LRRC59: variants seen among roughly 807,000 people sequenced by gnomAD.
LRRC59 encodes leucine rich repeat containing 59.
In LRRC59, 18 loss-of-function variants were observed where a neutral mutation model predicts 33.5. The ratio of observed to expected loss-of-function variants is 0.54; its 90% confidence interval spans 0.37 to 0.80. The LOEUF (loss-of-function observed/expected upper bound fraction) is 0.80. Ranked by LOEUF, LRRC59 falls within the 30% of genes least tolerant of loss-of-function variation. The pLI is 0.00. For missense variants in LRRC59, 330 were observed against 391.9 expected (o/e 0.84, Z 1.33); for synonymous variants, 138 against 160.0 (o/e 0.86, Z 1.04).
chr17:50,386,912 T>C (rs374396127), intron 5 of LRRC59, among the ~76,000 whole-genome samples: 2 of 152,252 alleles, frequency 1.3e-5, no homozygotes, highest in African/African-American at 4.8e-5. Flanking sequence ...CCTATATCAT[T>C]TACTTTCTAG....
chr17:50,384,488 G>A (rs948611381), intron 6 of LRRC59, among the ~76,000 whole-genome samples: 5 of 152,098 alleles, frequency 3.3e-5, no homozygotes, highest in East Asian at 1.9e-4. Flanking sequence ...TAAACTTGCC[G>A]GGCACAGTGG....
intron 2 of LRRC59, among the ~76,000 whole-genome samples, chr17:50,393,651 G>C (rs1256248239): frequency 6.6e-6 from 1 of 152,194 alleles, no homozygotes. Context: ...GCACCCATCT[G>C]AAAGCGATGG....
chr17:50,392,534 A>G, intron 3 of LRRC59, 32 bp from the exon 4 acceptor site: 1 of 1,569,510 alleles, frequency 6.4e-7, no homozygotes, highest in Non-Finnish European at 8.8e-7. Context: ...AAAGAGGCTC[A>G]TTAAGCCCGA....
intron 1 of LRRC59, among the ~76,000 whole-genome samples, chr17:50,395,205 C>T (rs1914241582): frequency 6.6e-6 from 1 of 152,032 alleles, no homozygotes; most frequent in Non-Finnish European, 1.5e-5. Context: ...GCTGTACAAC[C>T]TCCAAGAAGG....
chr17:50,383,666 A>C (rs1266090540), intron 6 of LRRC59, among the ~76,000 whole-genome samples: 2 of 152,052 alleles, frequency 1.3e-5, no homozygotes, highest in Non-Finnish European at 2.9e-5. Context: ...AAGGTAATAC[A>C]CCATATTGTA....
intron 4 of LRRC59, among the ~76,000 whole-genome samples, chr17:50,389,240 T>C (rs1193573006): frequency 6.6e-6 from 1 of 152,186 alleles, no homozygotes; most frequent in Admixed American, 6.5e-5. Flanking sequence ...ATAAACTCGC[T>C]CATGGATGAC....
chr17:50,397,460 C>G lies in LRRC59; in HGVS notation c.-143G>C, dbSNP rs983479198. On this transcript the variant is annotated 5_prime_UTR_variant, in exon 1 of 7. Coordinates refer to ENST00000225972, the MANE Select transcript of LRRC59 (RefSeq NM_018509.4). Reference sequence around the variant, plus strand: ...CCGCCGATGCGAGACCGCCTCCGCCCGCTGGCCGCACTCCGAGCCTCGCGC... The same window carrying G: ...CCGCCGATGCGAGACCGCCTCCGCCGGCTGGCCGCACTCCGAGCCTCGCGC... The G allele has an allele frequency of 9.3e-6, 5 of 540,446 alleles. No individual in the cohort carries two copies. Among genetic ancestry groups the G allele is most frequent in the Non-Finnish European group, 9.5e-6 (3 of 316,480 alleles). 33.5% of individuals were successfully genotyped at this position (540,446 alleles called of 1,614,324 possible).
At chr17:50,388,180 T>C in intron 4 of LRRC59, 48 bp from the exon 5 acceptor site, 1 of 1,552,060 alleles carries the variant, frequency 6.4e-7, no homozygotes, top group East Asian at 2.2e-5. Flanking sequence ...TCATGTTTGC[T>C]CAGGGAAGTC....
At position 50,382,846 on chromosome 17, in the gene LRRC59, AGAG is replaced by A. The variant is rs1208472442; in HGVS notation, c.*139_*141del. 4.7e-6 allele frequency: 5 copies of A among 1,053,398 alleles called. No individual in the cohort carries two copies. The highest frequency in any genetic ancestry group is 2.5e-5 in the East Asian group (1 of 39,496). The allele number at this position is 1,053,398 out of a possible 1,614,324, so 65.3% of individuals were successfully genotyped here. On this transcript the variant is annotated 3_prime_UTR_variant, in exon 7 of 7. Coordinates refer to ENST00000225972, the MANE Select transcript of LRRC59 (RefSeq NM_018509.4). ...ACTAAGGAATGAAGAAGTCCTACAA[AGAG>A]GAGGTCTCATGTACCAATCTGCAGC...
rs1468490221 is a variant in LRRC59 at position 50,397,259 on chromosome 17, A to G, written c.59T>C (p.Leu20Pro). Residue 20 changes from leucine (L) to proline (P), a missense_variant, in exon 1 of 7, where the codon CTG becomes CCG. Leu to Pro is a moderately conservative substitution (Grantham distance 98). Transcript: ENST00000225972. Reference protein sequence around the residue: ...NLRDKLDGNELDLSLSDLNEV... With the variant: ...NLRDKLDGNEPDLSLSDLNEV... ...ATTCAGGTCGCTGAGGCTCAGGTCCAGTTCGTTGCCGTCCAGCTTGTCGCG... is the reference window on the plus strand; with the variant it reads ...ATTCAGGTCGCTGAGGCTCAGGTCCGGTTCGTTGCCGTCCAGCTTGTCGCG... The G allele has an allele frequency of 6.2e-7, 1 of 1,609,820 alleles. No individual in the cohort carries two copies. Among genetic ancestry groups the G allele is most frequent in the Non-Finnish European group, 8.5e-7 (1 of 1,178,440 alleles).
chr17:50,391,476 A>C (rs1373227186), intron 4 of LRRC59, among the ~76,000 whole-genome samples: 1 of 152,226 alleles, frequency 6.6e-6, no homozygotes, highest in East Asian at 1.9e-4. Context: ...CAAGTTAGTC[A>C]TCTGGTGCTC....
intron 3 of LRRC59, 72 bp from the exon 4 acceptor site, chr17:50,392,574 CA>C: frequency 1.4e-6 from 2 of 1,478,408 alleles, no homozygotes; most frequent in African/African-American, 1.4e-5. Context: ...CAGGGTGAAA[CA>C]AAATGAGCAG....
At chr17:50,392,645 G>C (rs937125294) in intron 3 of LRRC59, 94 bp downstream of exon 3, 89 of 1,540,746 alleles carry the variant, frequency 5.8e-5, no homozygotes, top group Admixed American at 1.4e-4. Context: ...GACCAACAAG[G>C]GGGTATTTCT....
chr17:50,393,820 CAGA>C (rs1914206905), intron 2 of LRRC59, among the ~76,000 whole-genome samples: 1 of 152,164 alleles, frequency 6.6e-6, no homozygotes, highest in Non-Finnish European at 1.5e-5. Flanking sequence ...GCAAAGTGTA[CAGA>C]AGGAGTGCGG....
chr17:50,397,436 C>A lies in LRRC59; in HGVS notation c.-119G>T. 1.5e-6 allele frequency: 1 copy of A among 663,386 alleles called. No individual in the cohort carries two copies. The highest frequency in any genetic ancestry group is 2.3e-5 in the South Asian group (1 of 43,494). The allele number at this position is 663,386 out of a possible 1,614,324, so 41.1% of individuals were successfully genotyped here. A position where few individuals can be genotyped will look rare whatever the true frequency, so the allele number is the denominator to read the frequency against. On this transcript the variant is annotated 5_prime_UTR_variant, in exon 1 of 7. Coordinates refer to ENST00000225972, the MANE Select transcript of LRRC59 (RefSeq NM_018509.4). The stretch of plus-strand genomic sequence containing the variant: ...CGACGACGCCTGAGCCCTCCGTCGC[C>A]GCCGATGCGAGACCGCCTCCGCCCG...
chr17:50,388,241 GAACT>G (rs1290806980), intron 4 of LRRC59, 109 bp from the exon 5 acceptor site: 8 of 1,001,304 alleles, frequency 8.0e-6, no homozygotes, highest in African/African-American at 1.6e-5. Context: ...TAGCAATGTA[GAACT>G]AATAAGAGTT....
chr17:50,382,927 A>G lies in LRRC59; in HGVS notation c.*61T>C, dbSNP rs1022003808. ...GCTAAAAAGAGGTTGTGTCCAGCAG[A>G]ACCCAATTCCATAGGAATCCAAACT... On this transcript the variant is annotated 3_prime_UTR_variant, in exon 7 of 7. Transcript: ENST00000225972. The G allele has an allele frequency of 1.1e-5, 17 of 1,578,344 alleles. No individual in the cohort carries two copies. Among genetic ancestry groups the G allele is most frequent in the Non-Finnish European group, 1.5e-5 (17 of 1,160,630 alleles).
intron 4 of LRRC59, among the ~76,000 whole-genome samples, chr17:50,390,859 G>A (rs1282417477): frequency 2.0e-5 from 3 of 152,244 alleles, no homozygotes; most frequent in East Asian, 1.9e-4. Flanking sequence ...CATGGCTTTA[G>A]TTACCACATC....
At position 50,381,607 on chromosome 17, in the gene LRRC59, A is replaced by G. The variant is rs1286024616; in HGVS notation, c.*1381T>C. 6.5e-6 allele frequency: 1 copy of G among 152,678 alleles called. No individual in the cohort carries two copies. The highest frequency in any genetic ancestry group is 1.5e-5 in the Non-Finnish European group (1 of 68,108). 9.5% of individuals were successfully genotyped at this position (152,678 alleles called of 1,614,324 possible). A position where few individuals can be genotyped will look rare whatever the true frequency, so the allele number is the denominator to read the frequency against. On this transcript the variant is annotated 3_prime_UTR_variant, in exon 7 of 7. Transcript: ENST00000225972. ...GAGTTGCAGTCCCATCCAAAAGGTC[A>G]TTAGGGCTAAAAGGCCCTCTGTGTC...
Sources: allele counts gnomAD v4.1 joint callset (sites outside exome capture counted in the v4.1 genomes callset), GRCh38; gene constraint gnomAD v4.1.1; transcripts MANE v1.5; gene names NCBI Gene and HGNC (gene_info 2026-07-23, HGNC 2026-07-21).